PALM2AKAP2: variants seen among roughly 807,000 people sequenced by gnomAD.
PALM2AKAP2 encodes the protein PALM2-AKAP2 fusion protein.
PALM2AKAP2 carries 37 observed loss-of-function variants against 71.5 expected under a neutral mutation model. The observed-to-expected ratio is 0.52, with a 90% CI of 0.40 to 0.68. The LOEUF (loss-of-function observed/expected upper bound fraction) is 0.68, where lower values mean the gene tolerates loss of function less well. Among genes scored for constraint, PALM2AKAP2 ranks in the 30% least tolerant of loss-of-function variants. PALM2AKAP2 has a pLI of 0.00. For missense variants in PALM2AKAP2, 1,224 were observed against 1,191.8 expected, an observed-to-expected ratio of 1.03 and a Z score of -0.40; for synonymous variants, 468 against 478.8, an observed-to-expected ratio of 0.98 and a Z score of 0.29.
intron 6 of PALM2AKAP2, among the ~76,000 whole-genome samples, chr9:110,000,644 T>C (rs932959737): frequency 6.6e-6 from 1 of 152,234 alleles, no homozygotes; most frequent in Non-Finnish European, 1.5e-5. Context: ...GTAAAAGTAT[T>C]CCTATTTCTC....
intron 1 of PALM2AKAP2, among the ~76,000 whole-genome samples, chr9:110,078,105 A>T (rs997873731): frequency 6.6e-6 from 1 of 152,178 alleles, no homozygotes; most frequent in Non-Finnish European, 1.5e-5. Flanking sequence ...TTGCTGCTCA[A>T]ACTTGAAAAC....
intron 1 of PALM2AKAP2, among the ~76,000 whole-genome samples, chr9:109,768,739 G>T (rs1829203430): frequency 6.6e-6 from 1 of 152,112 alleles, no homozygotes; most frequent in Non-Finnish European, 1.5e-5. Flanking sequence ...ACTCTCATAG[G>T]CTGATATGAG....
At chr9:109,770,143 C>T (rs1376545944) in intron 1 of PALM2AKAP2, among the ~76,000 whole-genome samples, 1 of 152,128 alleles carries the variant, frequency 6.6e-6, no homozygotes, top group African/African-American at 2.4e-5. Flanking sequence ...TGGGCTGGGT[C>T]GGAGTTGGCC....
Position 110,137,606 on chromosome 9 carries a change from C to T in PALM2AKAP2, c.1636C>T (p.Gln546Ter), listed in dbSNP as rs1323359975. The change falls in exon 2 of 4, where the codon CAG (glutamine) becomes TAG (stop). Residue 546 changes from glutamine to a stop codon, truncating the protein, a stop_gained. Transcript: ENST00000374525. LOFTEE classifies it high-confidence loss of function. ...GGATGATGACCATGGGATTTTGGAT[C>T]AGTTCTCAAGATCTGTCAATGTCTC... The T allele has an allele frequency of 6.2e-7, 1 of 1,614,034 alleles. No homozygotes were observed. Among genetic ancestry groups the T allele is most frequent in the Non-Finnish European group, 8.5e-7 (1 of 1,180,030 alleles).
chr9:109,912,311 A>G (rs80017123), intron 3 of PALM2AKAP2, among the ~76,000 whole-genome samples: 1 of 149,494 alleles, frequency 6.7e-6, no homozygotes, highest in African/African-American at 2.4e-5. Context: ...GACGTGAGGA[A>G]AAAAAAAAAA....
intron 7 of PALM2AKAP2, among the ~76,000 whole-genome samples, chr9:110,019,238 CAAAAAAA>C (rs769230271): frequency 1.0e-4 from 5 of 47,958 alleles, no homozygotes; most frequent in Non-Finnish European, 2.1e-4. Context: ...GACTCTGTCT[CAAAAAAA>C]AAAAAAAAAA....
intron 1 of PALM2AKAP2, among the ~76,000 whole-genome samples, chr9:109,844,947 G>GTT (rs1330111752): frequency 6.6e-6 from 1 of 151,888 alleles, no homozygotes; most frequent in Admixed American, 6.6e-5. Flanking sequence ...GTGTGTGTGT[G>GTT]TGTGTGTGTG....
At chr9:109,718,552 T>G (rs1181565828) in intron 1 of PALM2AKAP2, among the ~76,000 whole-genome samples, 1 of 151,468 alleles carries the variant, frequency 6.6e-6, no homozygotes, top group Non-Finnish European at 1.5e-5. Flanking sequence ...CTTGTCTAAC[T>G]TCTTTTTTTT....
chr9:109,899,617 T>C (rs1830284958), intron 3 of PALM2AKAP2, among the ~76,000 whole-genome samples: 1 of 152,128 alleles, frequency 6.6e-6, no homozygotes, highest in Non-Finnish European at 1.5e-5. Flanking sequence ...GCTTAGAGAG[T>C]CTTTTATGAT....
intron 1 of PALM2AKAP2, among the ~76,000 whole-genome samples, chr9:109,865,254 A>G (rs537273546): frequency 6.6e-6 from 1 of 151,688 alleles, no homozygotes; most frequent in East Asian, 1.9e-4. Flanking sequence ...ATGTACCACC[A>G]CACCTGGCCA....
At chr9:109,718,977 GA>G (rs1000472887) in intron 1 of PALM2AKAP2, among the ~76,000 whole-genome samples, 5 of 151,786 alleles carry the variant, frequency 3.3e-5, no homozygotes, top group African/African-American at 9.7e-5. Flanking sequence ...TGAAACAGAG[GA>G]AAAAAATGCA....
rs1474912210 is a variant in PALM2AKAP2, at chr9:109,782,740, TTGTTTGTGTG to T, written c.45+2211_45+2220del. On this transcript the variant is annotated intron_variant, in intron 1 of 9. Transcript: ENST00000302798. ...GGACAGATTTGCTAACAGCGTGTGTTTGTTTGTGTGTGTGTGTGTGTGTGTGTGTGTGTGT... is the reference window on the plus strand; with the variant it reads ...GGACAGATTTGCTAACAGCGTGTGTTTGTGTGTGTGTGTGTGTGTGTGTGT... 4.8e-3 allele frequency among the ~76,000 whole-genome samples: 603 copies of T among 126,058 alleles called. 4 individuals carry two copies. The highest frequency in any genetic ancestry group is 0.019 in the African/African-American group (565 of 29,978). The allele number at this position is 126,058 out of a possible 152,430, so 82.7% of individuals were successfully genotyped here.
chr9:109,946,180 T>C, intron 6 of PALM2AKAP2: 1 of 152,178 alleles, frequency 6.6e-6, no homozygotes, highest in East Asian at 1.9e-4. Flanking sequence ...TAACTACCCT[T>C]CATGATGATA....
At chr9:109,913,581 C>A (rs1830619259) in intron 3 of PALM2AKAP2, among the ~76,000 whole-genome samples, 1 of 151,940 alleles carries the variant, frequency 6.6e-6, no homozygotes, top group Admixed American at 6.6e-5. Context: ...GCTGCTGAGT[C>A]ATGGATAAGA....
intron 1 of PALM2AKAP2, among the ~76,000 whole-genome samples, chr9:109,797,642 G>A (rs575333698): frequency 2.0e-5 from 3 of 152,312 alleles, no homozygotes; most frequent in African/African-American, 4.8e-5. Flanking sequence ...CACCCTCCCC[G>A]TTGCACACCT....
intron 1 of PALM2AKAP2, among the ~76,000 whole-genome samples, chr9:109,680,284 G>C (rs916771692): frequency 6.6e-6 from 1 of 152,174 alleles, no homozygotes; most frequent in Non-Finnish European, 1.5e-5. Flanking sequence ...CCAGAGATAC[G>C]TACAGATGGG....
At chr9:110,054,603 C>T (rs1018043523) in intron 1 of PALM2AKAP2, among the ~76,000 whole-genome samples, 1 of 152,116 alleles carries the variant, frequency 6.6e-6, no homozygotes, top group Non-Finnish European at 1.5e-5. Context: ...AACAGGGTCT[C>T]ACTCTGTCAC....
At chr9:109,817,338 G>A (rs577771785) in intron 1 of PALM2AKAP2, among the ~76,000 whole-genome samples, 34 of 152,264 alleles carry the variant, frequency 2.2e-4, no homozygotes, top group African/African-American at 7.9e-4. Context: ...TACATGCTGG[G>A]CATCTGAGCC....
At chr9:109,748,584 A>G (rs1346370806) in intron 1 of PALM2AKAP2, among the ~76,000 whole-genome samples, 1 of 152,202 alleles carries the variant, frequency 6.6e-6, no homozygotes, top group Non-Finnish European at 1.5e-5. Context: ...CCTAAGTTAA[A>G]TGGCAGATTG....
Sources: allele counts gnomAD v4.1 joint callset (sites outside exome capture counted in the v4.1 genomes callset), GRCh38; gene constraint gnomAD v4.1.1; transcripts MANE v1.5; gene names NCBI Gene and HGNC (gene_info 2026-07-23, HGNC 2026-07-21).